The following THSD7B variants were observed in gnomAD, a reference collection of about 807,000 sequenced individuals.
THSD7B encodes thrombospondin type 1 domain containing 7B.
Under a neutral mutation model 213.6 loss-of-function variants are expected in THSD7B, and 138 were observed. The observed-to-expected ratio is 0.65, with a 90% confidence interval of 0.56 to 0.74. The LOEUF is 0.74. THSD7B is among the 30% of genes least tolerant of loss of function. The pLI is 0.00. For synonymous variants in THSD7B, 742 were observed against 687.0 expected, an observed-to-expected ratio of 1.08 and a Z score of -1.25; for missense variants, 1,931 against 1,991.5, an observed-to-expected ratio of 0.97 and a Z score of 0.58.
At chr2:137,505,140 C>T (rs772497612) in intron 15 of THSD7B, among the ~76,000 whole-genome samples, 1 of 152,136 alleles carries the variant, frequency 6.6e-6, no homozygotes, top group Non-Finnish European at 1.5e-5. Context: ...TTTGCCTGTC[C>T]CACATTTCCC....
intron 1 of THSD7B, among the ~76,000 whole-genome samples, chr2:136,861,942 C>T (rs2104973114): frequency 6.6e-6 from 1 of 152,262 alleles, no homozygotes. Context: ...AAGGGACTCA[C>T]CCACAAGCCT....
At chr2:137,091,775 G>A (rs1327030528) in intron 3 of THSD7B, among the ~76,000 whole-genome samples, 2 of 152,158 alleles carry the variant, frequency 1.3e-5, no homozygotes, top group South Asian at 2.1e-4. Flanking sequence ...CTCCAAATAA[G>A]TTTGCAATCT....
At chr2:137,258,660 A>G (rs1682364320) in intron 10 of THSD7B, among the ~76,000 whole-genome samples, 1 of 147,496 alleles carries the variant, frequency 6.8e-6, no homozygotes, top group Admixed American at 6.8e-5. Flanking sequence ...CACACATACC[A>G]TGCTCTTTTT....
Position 136,783,179 on chromosome 2 carries a change from G to A in THSD7B, c.-36+17492G>A, listed in dbSNP as rs1479809986. 2.0e-5 allele frequency among the ~76,000 whole-genome samples: 3 copies of A among 152,168 alleles called. No individual in the cohort carries two copies. In the East Asian group the frequency reaches 5.8e-4, roughly 29 times the overall value. On this transcript the variant is annotated intron_variant, in intron 1 of 27. Transcript: ENST00000409968. Reference sequence around the variant, plus strand: ...CCTGGCATTTGAAAAATGAATGAATGAGTCTTTTTGTCCATTCTCATCTTG... The same window carrying A: ...CCTGGCATTTGAAAAATGAATGAATAAGTCTTTTTGTCCATTCTCATCTTG...
intron 12 of THSD7B, among the ~76,000 whole-genome samples, chr2:137,351,576 T>A (rs1203708122): frequency 6.6e-6 from 1 of 151,800 alleles, no homozygotes; most frequent in Non-Finnish European, 1.5e-5. Flanking sequence ...AATCGATGAG[T>A]GACCCTTGAT....
intron 12 of THSD7B, among the ~76,000 whole-genome samples, chr2:137,388,203 C>T (rs768972957): frequency 5.9e-5 from 9 of 151,516 alleles, no homozygotes; most frequent in Non-Finnish European, 1.2e-4. Context: ...TACATACTTC[C>T]CAGGGCTCAT....
chr2:137,427,609 A>G (rs1300329766), intron 14 of THSD7B, among the ~76,000 whole-genome samples: 1 of 152,084 alleles, frequency 6.6e-6, no homozygotes, highest in Non-Finnish European at 1.5e-5. Flanking sequence ...ATACTACATG[A>G]TCTCGCTTAT....
intron 15 of THSD7B, among the ~76,000 whole-genome samples, chr2:137,558,085 AC>A (rs1279261488): frequency 1.6e-4 from 25 of 152,190 alleles, no homozygotes; most frequent in African/African-American, 5.8e-4. Flanking sequence ...CTTACCAACC[AC>A]AAAAAGTCCA....
At chr2:137,637,153 A>G (rs12613078) in intron 20 of THSD7B, among the ~76,000 whole-genome samples, 3,251 of 152,302 alleles carry the variant, frequency 0.021, 71 homozygotes, top group South Asian at 0.067. Flanking sequence ...TAGAATAATT[A>G]TTGCTGGGAG....
chr2:137,520,241 A>G (rs1326924148), intron 15 of THSD7B, among the ~76,000 whole-genome samples: 2 of 152,190 alleles, frequency 1.3e-5, no homozygotes, highest in Non-Finnish European at 1.5e-5. Flanking sequence ...TCTTGGATTC[A>G]TTAATTCTTT....
chr2:137,132,794 G>T (rs961695794), intron 5 of THSD7B, among the ~76,000 whole-genome samples: 3 of 152,166 alleles, frequency 2.0e-5, no homozygotes, highest in South Asian at 2.1e-4. Context: ...ACACAAAGCT[G>T]CAATTATTAT....
intron 10 of THSD7B, among the ~76,000 whole-genome samples, chr2:137,244,450 TA>T (rs1333601697): frequency 6.6e-6 from 1 of 152,176 alleles, no homozygotes; most frequent in Non-Finnish European, 1.5e-5. Context: ...GACCAGAGAT[TA>T]CTTTAGCCAC....
At chr2:137,142,001 A>G (rs1679597563) in intron 5 of THSD7B, among the ~76,000 whole-genome samples, 1 of 152,166 alleles carries the variant, frequency 6.6e-6, no homozygotes, top group African/African-American at 2.4e-5. Flanking sequence ...TACATATGAC[A>G]CTCGATACTT....
At chr2:137,404,234 A>C (rs1686442382) in intron 12 of THSD7B, among the ~76,000 whole-genome samples, 1 of 151,522 alleles carries the variant, frequency 6.6e-6, no homozygotes, top group South Asian at 2.1e-4. Flanking sequence ...AGAACTAAAA[A>C]AGCTGTAAAG....
chr2:137,271,257 C>A (rs1314942357), intron 10 of THSD7B, among the ~76,000 whole-genome samples: 2 of 151,190 alleles, frequency 1.3e-5, no homozygotes, highest in African/African-American at 4.9e-5. Context: ...CAGAGCCGTA[C>A]TCACATACCT....
At chr2:137,079,067 T>C (rs1687690036) in intron 3 of THSD7B, among the ~76,000 whole-genome samples, 1 of 152,124 alleles carries the variant, frequency 6.6e-6, no homozygotes, top group Admixed American at 6.5e-5. Flanking sequence ...GGGGCACACC[T>C]CTGATCCTAG....
At chr2:137,265,285 A>G (rs1247170329) in intron 10 of THSD7B, among the ~76,000 whole-genome samples, 5 of 152,198 alleles carry the variant, frequency 3.3e-5, no homozygotes, top group Admixed American at 6.5e-5. Context: ...CACCAGTTAG[A>G]ATGGCAATCA....
chr2:136,889,940 G>T (rs555249638), intron 2 of THSD7B, among the ~76,000 whole-genome samples: 1 of 152,280 alleles, frequency 6.6e-6, no homozygotes, highest in South Asian at 2.1e-4. Flanking sequence ...TGTACTGGAA[G>T]TAATTTTTCA....
At chr2:136,766,509 C>T (rs1392530904) in intron 1 of THSD7B, among the ~76,000 whole-genome samples, 1 of 152,096 alleles carries the variant, frequency 6.6e-6, no homozygotes, top group African/African-American at 2.4e-5. Context: ...TTTGAATAAG[C>T]AAATGAACCC....
Sources: allele counts gnomAD v4.1 joint callset (sites outside exome capture counted in the v4.1 genomes callset), GRCh38; gene constraint gnomAD v4.1.1; transcripts MANE v1.5; gene names NCBI Gene and HGNC (gene_info 2026-07-23, HGNC 2026-07-21).